The following PCED1B variants were observed in gnomAD, a reference collection of about 807,000 sequenced individuals.
PCED1B encodes PC-esterase domain containing 1B, also known as PC-esterase domain-containing protein 1B.
For missense variants in PCED1B, 573 were observed against 573.9 expected, an observed-to-expected ratio of 1.00 and a Z score of 0.02; for synonymous variants, 251 against 246.1, an observed-to-expected ratio of 1.02 and a Z score of -0.19.
At chr12:47,186,183 A>C (rs1942257587) in intron 2 of PCED1B, among the ~76,000 whole-genome samples, 1 of 149,726 alleles carries the variant, frequency 6.7e-6, no homozygotes, top group African/African-American at 2.5e-5. Flanking sequence ...GCGCCCCTGC[A>C]CTCCAGCCTG....
At chr12:47,121,629 A>C (rs1784909887) in intron 2 of PCED1B, among the ~76,000 whole-genome samples, 1 of 152,178 alleles carries the variant, frequency 6.6e-6, no homozygotes, top group African/African-American at 2.4e-5. Context: ...TGTTGACTTA[A>C]GTTGGCTGCT....
intron 2 of PCED1B, among the ~76,000 whole-genome samples, chr12:47,180,211 T>C (rs1000139606): frequency 6.6e-6 from 1 of 152,190 alleles, no homozygotes; most frequent in Admixed American, 6.5e-5. Context: ...TCTGTTCCCG[T>C]GTTAGTTTGC....
At chr12:47,150,972 A>G (rs1051814406) in intron 2 of PCED1B, among the ~76,000 whole-genome samples, 1 of 152,222 alleles carries the variant, frequency 6.6e-6, no homozygotes, top group Admixed American at 6.5e-5. Flanking sequence ...GCGAACAATT[A>G]CAAATGAACA....
At chr12:47,144,859 CAT>C (rs926161821) in intron 2 of PCED1B, among the ~76,000 whole-genome samples, 16 of 152,136 alleles carry the variant, frequency 1.1e-4, no homozygotes, top group Admixed American at 1.0e-3. Context: ...TTCCCTGAGA[CAT>C]AACAATATTG....
At chr12:47,164,846 G>A (rs899676971) in intron 2 of PCED1B, among the ~76,000 whole-genome samples, 2 of 152,236 alleles carry the variant, frequency 1.3e-5, no homozygotes, top group African/African-American at 4.8e-5. Context: ...TGAAGCAGCA[G>A]CCCAAGCTGT....
At chr12:47,162,076 A>G (rs1466036811) in intron 2 of PCED1B, among the ~76,000 whole-genome samples, 2 of 149,036 alleles carry the variant, frequency 1.3e-5, no homozygotes, top group Admixed American at 6.7e-5. Flanking sequence ...GAACACATGG[A>G]CACAGGAAGG....
rs2137930505 is a variant in PCED1B at position 47,236,266 on chromosome 12, C to T, written c.1203C>T (p.Gly401=). Residue 401 remains glycine (G), a synonymous_variant, in exon 4 of 4, where the codon GGC becomes GGT. Transcript: ENST00000546455. ...CCCCAGTGGTACATAGGGGTTTTGG[C>T]AGGTATCGTCCCCGTGGCCCCTATA... The part of the protein sequence containing the change: ...RPAPVVHRGF[G]RYRPRGPYTP... 3 of 1,614,198 alleles carry T rather than the reference C, an allele frequency of 1.9e-6. No individual in the cohort carries two copies. Among genetic ancestry groups the T allele is most frequent in the Non-Finnish European group, 2.5e-6 (3 of 1,180,040 alleles).
intron 2 of PCED1B, among the ~76,000 whole-genome samples, chr12:47,175,186 C>A (rs906861813): frequency 5.9e-5 from 9 of 152,080 alleles, no homozygotes. Flanking sequence ...AGAATATTTA[C>A]AGTTAAAATA....
intron 2 of PCED1B, among the ~76,000 whole-genome samples, chr12:47,136,168 T>C (rs978574370): frequency 6.6e-6 from 1 of 150,880 alleles, no homozygotes; most frequent in African/African-American, 2.4e-5. Flanking sequence ...TTCACATACT[T>C]CTTGCCCATT....
chr12:47,219,095 T>G (rs3095813), intron 3 of PCED1B, among the ~76,000 whole-genome samples: 22,185 of 151,884 alleles, frequency 0.15, 3,495 homozygotes, highest in African/African-American at 0.4. Flanking sequence ...GAGCCAAGAT[T>G]GCACCACTGC....
intron 2 of PCED1B, among the ~76,000 whole-genome samples, chr12:47,150,089 C>T (rs1477042780): frequency 6.6e-6 from 1 of 152,098 alleles, no homozygotes; most frequent in Admixed American, 6.5e-5. Flanking sequence ...TATTGTACAT[C>T]TTAAATGTGT....
chr12:47,127,488 C>T (rs1382370028), intron 2 of PCED1B, among the ~76,000 whole-genome samples: 1 of 151,280 alleles, frequency 6.6e-6, no homozygotes, highest in East Asian at 1.9e-4. Context: ...CCTGCCTCAC[C>T]CTCCCGAGTA....
At chr12:47,208,100 GT>G (rs1258559818) in intron 2 of PCED1B, among the ~76,000 whole-genome samples, 3 of 151,988 alleles carry the variant, frequency 2.0e-5, no homozygotes, top group African/African-American at 7.3e-5. Context: ...GCTATAAGAA[GT>G]TTTCCCAGGG....
At chr12:47,234,581 C>A (rs1432584718) in intron 3 of PCED1B, among the ~76,000 whole-genome samples, 1 of 152,150 alleles carries the variant, frequency 6.6e-6, no homozygotes, top group African/African-American at 2.4e-5. Context: ...CATGTCCTTG[C>A]TTACTTGGGG....
Position 47,158,447 on chromosome 12 carries a change from A to G in PCED1B, c.-526+54252A>G, listed in dbSNP as rs372284029. 3.3e-5 allele frequency among the ~76,000 whole-genome samples: 5 copies of G among 152,102 alleles called. No individual in the cohort carries two copies. The East Asian group carries it at 7.7e-4, about 23-fold the overall frequency. On this transcript the variant is annotated intron_variant, in intron 2 of 3. Transcript: ENST00000546455. ...TTTTATGTCCTTACTGGCCATTTGC[A>G]TATTTTTGAAGAAATGCCTATAAAG...
intron 2 of PCED1B, among the ~76,000 whole-genome samples, chr12:47,192,062 C>T (rs937308125): frequency 4.0e-5 from 6 of 151,896 alleles, no homozygotes; most frequent in East Asian, 1.9e-4. Context: ...CAATCCACCC[C>T]GTATCACTGT....
At chr12:47,083,227 A>G (rs963615824) in intron 1 of PCED1B, among the ~76,000 whole-genome samples, 23 of 152,088 alleles carry the variant, frequency 1.5e-4, no homozygotes, top group African/African-American at 4.3e-4. Context: ...TTAACACTTC[A>G]ATAGCACTTT....
At chr12:47,154,150 C>A (rs926177084) in intron 2 of PCED1B, among the ~76,000 whole-genome samples, 1 of 152,236 alleles carries the variant, frequency 6.6e-6, no homozygotes, top group African/African-American at 2.4e-5. Context: ...CTTCTACCAG[C>A]ATCCATGAAA....
chr12:47,174,371 C>T (rs111238547), intron 2 of PCED1B, among the ~76,000 whole-genome samples: 27 of 150,512 alleles, frequency 1.8e-4, no homozygotes, highest in African/African-American at 3.4e-4. Context: ...ATTGCGCTAC[C>T]GCACTCCAGC....
Sources: gnomAD v4.1 joint callset for allele counts (sites outside exome capture counted in the v4.1 genomes callset) on GRCh38, gnomAD v4.1.1 for gene constraint, MANE v1.5 for transcripts, NCBI Gene and HGNC (gene_info 2026-07-23, HGNC 2026-07-21) for gene names.